The following PDE2A variants were observed in gnomAD, a reference collection of about 807,000 sequenced individuals.
The protein encoded by PDE2A is cGMP-dependent 3',5'-cyclic phosphodiesterase.
PDE2A carries 53 observed loss-of-function variants against 133.6 expected under a neutral mutation model. The ratio of observed to expected loss-of-function variants is 0.40; its 90% confidence interval spans 0.32 to 0.50. The LOEUF is 0.50. Among genes scored for constraint, PDE2A ranks in the 20% least tolerant of loss-of-function variants. The pLI is 0.73. For synonymous variants in PDE2A, 491 were observed against 490.2 expected (o/e 1.00, Z -0.02); for missense variants, 796 against 1,232.4 (o/e 0.65, Z 5.30).
rs754095643 is a variant in PDE2A at position 72,578,388 on chromosome 11, T to C, written c.2509-49A>G. 8 of 1,577,364 alleles carry C rather than the reference T, an allele frequency of 5.1e-6. No homozygotes were observed. Among genetic ancestry groups the C allele is most frequent in the Non-Finnish European group, 7.0e-6 (8 of 1,146,586 alleles). Reference sequence around the variant, plus strand: ...CTGTCCCTCTCATTCCTCCATCGGGTACCAGGGTCAGGCTAGTTCAAGCCC... The same window carrying C: ...CTGTCCCTCTCATTCCTCCATCGGGCACCAGGGTCAGGCTAGTTCAAGCCC... On this transcript the variant is annotated intron_variant, in intron 29 of 30. Transcript: ENST00000334456. The surrounding 1 kb of genome is among the most constrained non-coding windows in gnomAD (Gnocchi z 4.2).
chr11:72,629,615 C>T (rs1858268782), intron 2 of PDE2A, among the ~76,000 whole-genome samples: 2 of 152,352 alleles, frequency 1.3e-5, no homozygotes, highest in South Asian at 4.1e-4. Flanking sequence ...CACTTGGAGG[C>T]ACATTCTCAG....
In PDE2A at chr11:72,583,520, G is replaced by A; in HGVS notation, c.1651-5C>T. 1.3e-6 allele frequency: 2 copies of A among 1,585,984 alleles called. No individual in the cohort carries two copies. Among genetic ancestry groups the A allele is most frequent in the Non-Finnish European group, 1.7e-6 (2 of 1,154,480 alleles). ...CACTTTTTTGTATAGGAGAGACTAG[G>A]GGAAAGAGGGAAAGATGGGGCTCAA... On this transcript the variant is annotated splice_polypyrimidine_tract_variant and splice_region_variant and intron_variant, in intron 19 of 30. Transcript: ENST00000334456.
chr11:72,642,295 C>G lies in PDE2A; in HGVS notation c.103G>C (p.Glu35Gln). 1.3e-6 allele frequency: 2 copies of G among 1,524,230 alleles called. No homozygotes were observed. The highest frequency in any genetic ancestry group is 2.7e-5 in the East Asian group (1 of 37,414). The allele number at this position is 1,524,230 out of a possible 1,614,324, so 94.4% of individuals were successfully genotyped here. A position where few individuals can be genotyped will look rare whatever the true frequency, so the allele number is the denominator to read the frequency against. ...RGQQVFLKPDEPPPPPQPCAD... is the reference protein window; with the variant it reads ...RGQQVFLKPDQPPPPPQPCAD... ...CATGGCTGCGGCGGCGGCGGCGGCT[C>G]GTCCGGCTTGAGGAAGACCTGCTGG... Residue 35 changes from glutamate to glutamine, a missense_variant, in exon 2 of 31, where the codon GAG becomes CAG. Glu to Gln is a conservative substitution (Grantham distance 29, BLOSUM62 2). Transcript: ENST00000334456.
At chr11:72,582,314 A>T in intron 21 of PDE2A, 130 bp downstream of exon 21, 1 of 897,172 alleles carries the variant, frequency 1.1e-6, no homozygotes, top group Non-Finnish European at 1.7e-6. Context: ...AAGCCCCTCC[A>T]TCTCTGAGGG....
At chr11:72,600,382 C>T (rs1435172812) in intron 4 of PDE2A, among the ~76,000 whole-genome samples, 1 of 152,126 alleles carries the variant, frequency 6.6e-6, no homozygotes, top group East Asian at 1.9e-4. Context: ...AGCACTGGGG[C>T]TTCCAAGGAC....
chr11:72,606,837 C>T (rs573480190), intron 3 of PDE2A, among the ~76,000 whole-genome samples: 1 of 152,302 alleles, frequency 6.6e-6, no homozygotes, highest in South Asian at 2.1e-4. Context: ...GCTTCACTTC[C>T]GCATGTCCGT....
intron 4 of PDE2A, 102 bp downstream of exon 4, chr11:72,605,036 T>G: frequency 1.5e-6 from 1 of 658,254 alleles, no homozygotes; most frequent in Non-Finnish European, 2.6e-6. Flanking sequence ...CGGGGATCAA[T>G]GTTGGAAGGG....
At chr11:72,655,490 TGTGTGTGTGTGTGCACGCAC>T (rs1290873258) in intron 1 of PDE2A, among the ~76,000 whole-genome samples, 3 of 111,220 alleles carry the variant, frequency 2.7e-5, no homozygotes, top group Non-Finnish European at 6.3e-5. Flanking sequence ...AGTGAGTGCC[TGTGTGTGTGTGTGCACGCAC>T]GTGTGTGTGT....
At chr11:72,613,942 A>T (rs756489765) in intron 2 of PDE2A, among the ~76,000 whole-genome samples, 11 of 152,206 alleles carry the variant, frequency 7.2e-5, no homozygotes, top group Admixed American at 1.3e-4. Flanking sequence ...TGGGTCTGGC[A>T]CTAGCAAGCA....
intron 4 of PDE2A, among the ~76,000 whole-genome samples, chr11:72,602,248 A>G (rs567295776): frequency 6.6e-6 from 1 of 152,328 alleles, no homozygotes; most frequent in South Asian, 2.1e-4. Context: ...GAGCCCAAAC[A>G]GCGGCAGGAA....
rs978028123 is a variant in PDE2A at position 72,650,377 on chromosome 11, C to T, written c.72-8051G>A. Among the ~76,000 whole-genome samples the T allele has an allele frequency of 2.0e-5, 3 of 152,020 alleles. No homozygotes were observed. The East Asian group carries it at 5.8e-4, about 29-fold the overall frequency. On this transcript the variant is annotated intron_variant, in intron 1 of 30. Transcript: ENST00000334456. Reference sequence around the variant, plus strand: ...CTGAGCCACATCCCCTTGCTGAGCCCCCATCCTTCTCTCTGAGTCTCCACC... The same window carrying T: ...CTGAGCCACATCCCCTTGCTGAGCCTCCATCCTTCTCTCTGAGTCTCCACC...
chr11:72,658,475 C>CA (rs923432772), intron 1 of PDE2A, among the ~76,000 whole-genome samples: 32 of 152,092 alleles, frequency 2.1e-4, no homozygotes. Context: ...CCTGCCCCCC[C>CA]ACACACCCTA....
chr11:72,586,299 A>G, intron 13 of PDE2A, 118 bp from the exon 14 acceptor site: 1 of 683,150 alleles, frequency 1.5e-6, no homozygotes, highest in South Asian at 1.7e-5. Context: ...CTATATAACC[A>G]CTGCACAGGC....
chr11:72,615,160 G>A, intron 2 of PDE2A: 2 of 471,136 alleles, frequency 4.2e-6, no homozygotes, highest in Non-Finnish European at 9.4e-6. Context: ...TCCCAAGGGT[G>A]TCCCCATCCA....
In PDE2A at chr11:72,674,181, G is replaced by A. The variant is rs535587110; in HGVS notation, c.27C>T (p.Ile9=). 2 of 1,612,160 alleles carry A rather than the reference G, an allele frequency of 1.2e-6. No homozygotes were observed. Among genetic ancestry groups the A allele is most frequent in the Non-Finnish European group, 1.7e-6 (2 of 1,179,878 alleles). Residue 9 remains isoleucine (I), a synonymous_variant, in exon 1 of 31, where the codon ATC becomes ATT. Coordinates refer to ENST00000334456, the MANE Select transcript of PDE2A (RefSeq NM_002599.5). MGQACGHS[I]LCRSQQYPAA... ...CCGGGTACTGCTGGCTCCTGCAGAG[G>A]ATGGAGTGGCCGCATGCCTGCCCCA...
chr11:72,616,795 C>G (rs552735713), intron 2 of PDE2A, among the ~76,000 whole-genome samples: 1 of 152,214 alleles, frequency 6.6e-6, no homozygotes, highest in South Asian at 2.1e-4. Flanking sequence ...ATGGAGGGCT[C>G]TTCCCCAAGA....
chr11:72,584,957 G>T lies in PDE2A; in HGVS notation c.1287-13C>A, dbSNP rs753824374. The T allele has an allele frequency of 1.2e-6, 2 of 1,613,834 alleles. No individual in the cohort carries two copies. The highest frequency in any genetic ancestry group is 4.5e-5 in the East Asian group (2 of 44,888). On this transcript the variant is annotated splice_polypyrimidine_tract_variant and intron_variant, in intron 16 of 30. Transcript: ENST00000334456. ...GAACACAGAGCAGCTGTGGAGGGAG[G>T]GGTTTGGTCCTCTGGGGCCTGACAA...
intron 2 of PDE2A, among the ~76,000 whole-genome samples, chr11:72,618,591 C>A (rs1449089082): frequency 1.3e-5 from 2 of 152,204 alleles, no homozygotes. Context: ...CCTTCTTTGC[C>A]CCCCTTCATG....
At chr11:72,655,751 C>T (rs1854880890) in intron 1 of PDE2A, among the ~76,000 whole-genome samples, 1 of 151,970 alleles carries the variant, frequency 6.6e-6, no homozygotes, top group Admixed American at 6.6e-5. Flanking sequence ...TATTCTTTTG[C>T]TACACGAGAG....
Sources: allele counts gnomAD v4.1 joint callset (sites outside exome capture counted in the v4.1 genomes callset), GRCh38; gene constraint gnomAD v4.1.1; non-coding constraint Gnocchi (gnomAD v3.1); transcripts MANE v1.5; gene names NCBI Gene and HGNC (gene_info 2026-07-23, HGNC 2026-07-21).